The following AGBL4 variants were observed in gnomAD, a reference collection of about 807,000 sequenced individuals.
AGBL4 encodes the protein AGBL carboxypeptidase 4, also known as cytosolic carboxypeptidase 6.
A neutral mutation model predicts 66.4 loss-of-function variants in AGBL4; 58 were observed. The ratio of observed to expected loss-of-function variants is 0.87; its 90% confidence interval spans 0.71 to 1.09. The LOEUF is 1.09. Ranked by LOEUF, AGBL4 falls within the 50% of genes least tolerant of loss-of-function variation. The pLI, the probability that AGBL4 is intolerant of heterozygous loss-of-function variation, is 0.00. For synonymous variants in AGBL4, 234 were observed against 222.9 expected, an observed-to-expected ratio of 1.05 and a Z score of -0.44; for missense variants, 579 against 631.0, an observed-to-expected ratio of 0.92 and a Z score of 0.88.
chr1:49,410,676 C>A (rs1294073760), intron 3 of AGBL4, among the ~76,000 whole-genome samples: 1 of 152,178 alleles, frequency 6.6e-6, no homozygotes, highest in Non-Finnish European at 1.5e-5. Flanking sequence ...GATTTGCTGT[C>A]TTTCTTACAA....
At chr1:49,841,539 A>T (rs2148040370) in intron 2 of AGBL4, among the ~76,000 whole-genome samples, 1 of 152,308 alleles carries the variant, frequency 6.6e-6, no homozygotes, top group Admixed American at 6.5e-5. Context: ...ACCCAAAGTA[A>T]TCCTAAGAAA....
At chr1:48,742,644 C>T (rs149339808) in intron 6 of AGBL4, 8 of 1,601,394 alleles carry the variant, frequency 5.0e-6, no homozygotes, top group Non-Finnish European at 6.8e-6. Context: ...CTAGGATATA[C>T]TTGTCCATGA....
rs1645966361 is a variant in AGBL4 at position 48,653,446 on chromosome 1, T to C, written c.730A>G (p.Ile244Val). 2.5e-6 allele frequency: 4 copies of C among 1,572,922 alleles called. No homozygotes were observed. The highest frequency in any genetic ancestry group is 1.2e-5 in the South Asian group (1 of 85,242). ...TPSSFVCQGI[I>V]DFLVSQHPIA... ...GGGTGCTGGCTTACAAGGAAGTCAA[T>C]GATCCCTAGGGAAAGAGAAGAGCCC... Residue 244 changes from isoleucine to valine, a missense_variant, in exon 8 of 14, where the codon ATT becomes GTT. Transcript: ENST00000371839.
intron 3 of AGBL4, among the ~76,000 whole-genome samples, chr1:49,552,191 G>T (rs927547156): frequency 6.6e-6 from 1 of 152,140 alleles, no homozygotes; most frequent in African/African-American, 2.4e-5. Context: ...CCAGGCAGTG[G>T]GTGAGCCAGG....
intron 1 of AGBL4, among the ~76,000 whole-genome samples, chr1:50,020,194 G>A (rs1272109241): frequency 1.3e-5 from 2 of 151,864 alleles, no homozygotes; most frequent in Non-Finnish European, 2.9e-5. Flanking sequence ...CCTTTCTTCT[G>A]ACAGCAAAGC....
At chr1:49,779,388 A>G (rs947502200) in intron 2 of AGBL4, among the ~76,000 whole-genome samples, 1 of 152,190 alleles carries the variant, frequency 6.6e-6, no homozygotes, top group Admixed American at 6.5e-5. Context: ...GTGTTTTCCT[A>G]CTGGAGAACA....
At position 49,299,276 on chromosome 1, in the gene AGBL4, G is replaced by C. The variant is rs550126893; in HGVS notation, c.283-53412C>G. Among the ~76,000 whole-genome samples, 8 of 152,288 alleles carry C rather than the reference G, an allele frequency of 5.3e-5. No homozygotes were observed. In the South Asian group the frequency reaches 1.5e-3, roughly 28 times the overall value. ...TGGATCTTACTTTCCCCCCTGTACA[G>C]ATGAGGAAAGATGTCTATAGGTTTA... On this transcript the variant is annotated intron_variant, in intron 3 of 13. Coordinates refer to ENST00000371839, the MANE Select transcript of AGBL4 (RefSeq NM_032785.4).
At chr1:48,896,464 A>G (rs1448789831) in intron 5 of AGBL4, among the ~76,000 whole-genome samples, 2 of 152,254 alleles carry the variant, frequency 1.3e-5, no homozygotes, top group African/African-American at 2.4e-5. Context: ...TAGCTGGCCT[A>G]TGTAGCTTAA....
intron 9 of AGBL4, among the ~76,000 whole-genome samples, chr1:48,605,747 T>C (rs1486298775): frequency 6.6e-6 from 1 of 152,180 alleles, no homozygotes; most frequent in Non-Finnish European, 1.5e-5. Context: ...ATGGAGAAGA[T>C]ATTATCTTTG....
At chr1:48,743,458 A>G (rs1478558738) in intron 6 of AGBL4, among the ~76,000 whole-genome samples, 2 of 152,254 alleles carry the variant, frequency 1.3e-5, no homozygotes, top group African/African-American at 4.8e-5. Context: ...GGACTGTTTT[A>G]TAAAATCACC....
chr1:49,735,294 TGG>T (rs141416135), intron 2 of AGBL4, among the ~76,000 whole-genome samples: 4,053 of 105,152 alleles, frequency 0.039, 138 homozygotes, highest in African/African-American at 0.17. Context: ...TAGAGGTGTG[TGG>T]GTGTGTGTGT....
chr1:49,183,612 A>T (rs1384417773), intron 4 of AGBL4, among the ~76,000 whole-genome samples: 3 of 152,178 alleles, frequency 2.0e-5, no homozygotes, highest in African/African-American at 7.2e-5. Context: ...TTCATACTTT[A>T]AGCTTTCCTA....
chr1:49,351,368 T>C (rs1236205445), intron 3 of AGBL4, among the ~76,000 whole-genome samples: 2 of 152,086 alleles, frequency 1.3e-5, no homozygotes, highest in African/African-American at 2.4e-5. Context: ...ACTTATTACC[T>C]CTTTTAGAAA....
intron 3 of AGBL4, among the ~76,000 whole-genome samples, chr1:49,281,363 T>G (rs1570321314): frequency 6.6e-6 from 1 of 152,228 alleles, no homozygotes; most frequent in Non-Finnish European, 1.5e-5. Flanking sequence ...AAGGCTGGCT[T>G]GGGGGTTTAT....
At chr1:49,929,414 C>T (rs1018429904) in intron 1 of AGBL4, among the ~76,000 whole-genome samples, 1 of 151,266 alleles carries the variant, frequency 6.6e-6, no homozygotes, top group African/African-American at 2.4e-5. Context: ...CAGAAACTAC[C>T]TAGAACAAAG....
intron 3 of AGBL4, among the ~76,000 whole-genome samples, chr1:49,391,643 G>C (rs1420088007): frequency 2.7e-5 from 4 of 147,468 alleles, no homozygotes; most frequent in Non-Finnish European, 5.9e-5. Context: ...CTCACTGCAA[G>C]CTCCGCCTCC....
rs368715264 is a variant in AGBL4, at chr1:48,686,481, C to T, written c.635-23240G>A. 1.3e-3 allele frequency among the ~76,000 whole-genome samples: 198 copies of T among 152,292 alleles called. 1 individual carries two copies. The highest frequency in any genetic ancestry group is 4.6e-3 in the African/African-American group (193 of 41,556). On this transcript the variant is annotated intron_variant, in intron 6 of 13. Transcript: ENST00000371839. ...CTGGCTTACCCATTATATCGTTCAG[C>T]ACACAGCGCAATGCTTTGAACATAG...
rs1648949442 is a variant in AGBL4 at position 48,873,924 on chromosome 1, T to G, written c.595-6694A>C. 2.0e-5 allele frequency among the ~76,000 whole-genome samples: 3 copies of G among 152,114 alleles called. No homozygotes were observed. The East Asian group carries it at 5.8e-4, about 29-fold the overall frequency. On this transcript the variant is annotated intron_variant, in intron 5 of 13. Transcript: ENST00000371839. ...ACCTCCCAGAATGAGAAGGGACGTG[T>G]TGTTCTGGGAGCTCAGTGGCTGGTT...
intron 9 of AGBL4, among the ~76,000 whole-genome samples, chr1:48,615,649 C>T (rs1051849510): frequency 6.6e-6 from 1 of 152,132 alleles, no homozygotes; most frequent in Admixed American, 6.5e-5. Context: ...ATTGCTTTTC[C>T]TATTTGCATT....
Sources: allele counts gnomAD v4.1 joint callset (sites outside exome capture counted in the v4.1 genomes callset), GRCh38; gene constraint gnomAD v4.1.1; transcripts MANE v1.5; gene names NCBI Gene and HGNC (gene_info 2026-07-23, HGNC 2026-07-21).